ICE1: variants seen among roughly 807,000 people sequenced by gnomAD.
ICE1 encodes little elongation complex subunit 1.
A neutral mutation model predicts 192.7 loss-of-function variants in ICE1; 64 were observed. That is an observed-to-expected ratio of 0.33 (90% CI 0.27 to 0.41). The LOEUF (loss-of-function observed/expected upper bound fraction) is 0.41. Among genes scored for constraint, ICE1 ranks in the 10% least tolerant of loss-of-function variants. The pLI, the probability that ICE1 is intolerant of heterozygous loss-of-function variation, is 1.00. For synonymous variants in ICE1, 1,010 were observed against 984.5 expected, an observed-to-expected ratio of 1.03 and a Z score of -0.49; for missense variants, 2,708 against 2,696.0, an observed-to-expected ratio of 1.00 and a Z score of -0.10.
intron 17 of ICE1, among the ~76,000 whole-genome samples, chr5:5,477,298 A>T (rs2111400569): frequency 6.6e-6 from 1 of 152,336 alleles, no homozygotes; most frequent in South Asian, 2.1e-4. Flanking sequence ...AAAAATGATA[A>T]AGGGGTTATC....
chr5:5,436,362 A>G (rs1737872218), intron 1 of ICE1, 56 bp from the exon 2 acceptor site: 1 of 1,014,432 alleles, frequency 9.9e-7, no homozygotes, highest in Non-Finnish European at 1.4e-6. Flanking sequence ...GTTACAGACA[A>G]TAATTATATT....
chr5:5,475,094 G>A (rs1739271266), intron 16 of ICE1, among the ~76,000 whole-genome samples: 1 of 152,178 alleles, frequency 6.6e-6, no homozygotes, highest in Non-Finnish European at 1.5e-5. Context: ...ATCCTCATGG[G>A]AACCCATGAG....
At chr5:5,423,302 TC>T (rs1005054531) in intron 1 of ICE1, among the ~76,000 whole-genome samples, 3 of 152,006 alleles carry the variant, frequency 2.0e-5, no homozygotes, top group Non-Finnish European at 4.4e-5. Flanking sequence ...GCCTCGGAGC[TC>T]CCTAGGGCAG....
At chr5:5,454,185 TC>T (rs1738517935) in intron 10 of ICE1, among the ~76,000 whole-genome samples, 1 of 152,060 alleles carries the variant, frequency 6.6e-6, no homozygotes, top group African/African-American at 2.4e-5. Context: ...TGTGCTTCCT[TC>T]CCCCATCTCA....
intron 17 of ICE1, among the ~76,000 whole-genome samples, chr5:5,477,603 T>C (rs1054767034): frequency 1.3e-4 from 20 of 152,002 alleles, no homozygotes; most frequent in African/African-American, 4.8e-4. Flanking sequence ...TTCCAAACAG[T>C]AGAAAAAGAA....
At position 5,464,835 on chromosome 5, in the gene ICE1, AAAG is replaced by A. The variant is rs1738933458; in HGVS notation, c.5504_5506del (p.Arg1835del). On this transcript the variant is annotated inframe_deletion, in exon 13 of 19. Transcript: ENST00000296564. This position sits in a 1 kb window ranked among gnomAD's most constrained non-coding sequence, Gnocchi z 4.0. ...GGGACTCAGCAGGATTCAAGCGGGA[AAAG>A]AACACTGTCAACGTCTACACTGAGA... is the stretch of plus-strand genomic sequence containing the variant. The A allele has an allele frequency of 6.2e-7, 1 of 1,613,384 alleles. No homozygotes were observed. The highest frequency in any genetic ancestry group is 1.7e-5 in the Admixed American group (1 of 59,946).
At chr5:5,481,257 G>T (rs556209543) in intron 17 of ICE1, among the ~76,000 whole-genome samples, 1 of 151,974 alleles carries the variant, frequency 6.6e-6, no homozygotes, top group Non-Finnish European at 1.5e-5. Flanking sequence ...AAACAATATG[G>T]TATTTTTTTA....
intron 7 of ICE1, among the ~76,000 whole-genome samples, chr5:5,446,962 G>C (rs931705057): frequency 1.3e-5 from 2 of 152,190 alleles, no homozygotes; most frequent in Non-Finnish European, 2.9e-5. Context: ...ATTATGTTTA[G>C]CTAACTTGTT....
chr5:5,473,607 T>C lies in ICE1; in HGVS notation c.6272T>C (p.Ile2091Thr), dbSNP rs754402113. Reference sequence around the variant, plus strand: ...ATGGTTTCTAAGCTGCTTTTGACCATACAGTTATGTCCAAAAACAGAATTT... The same window carrying C: ...ATGGTTTCTAAGCTGCTTTTGACCACACAGTTATGTCCAAAAACAGAATTT... ...GFMVSKLLLT[I>T]QLCPKTEFQP... The change falls in exon 16 of 19, where the codon ATA (isoleucine) becomes ACA (threonine). Residue 2091 changes from isoleucine to threonine, a missense_variant. Coordinates refer to ENST00000296564, the MANE Select transcript of ICE1 (RefSeq NM_015325.3). 6.2e-7 allele frequency: 1 copy of C among 1,613,664 alleles called. No homozygotes were observed. Among genetic ancestry groups the C allele is most frequent in the Non-Finnish European group, 8.5e-7 (1 of 1,179,826 alleles).
At position 5,437,128 on chromosome 5, in the gene ICE1, G is replaced by A. The variant is rs1490899513; in HGVS notation, c.178+14G>A. 3 of 1,531,104 alleles carry A rather than the reference G, an allele frequency of 2.0e-6. 1 individual carries two copies. The Admixed American group carries it at 5.7e-5, about 29-fold the overall frequency. The allele number at this position is 1,531,104 out of a possible 1,614,324, so 94.8% of individuals were successfully genotyped here. On this transcript the variant is annotated intron_variant, in intron 3 of 18. Coordinates refer to ENST00000296564, the MANE Select transcript of ICE1 (RefSeq NM_015325.3). ...AGAAATGTGATGATATCCTTTTACT[G>A]GCTTTTTCTGTTGAGTTTTGGAACT...
intron 1 of ICE1, among the ~76,000 whole-genome samples, chr5:5,427,933 G>A (rs1269780029): frequency 6.6e-6 from 1 of 152,164 alleles, no homozygotes; most frequent in Admixed American, 6.5e-5. Context: ...AGGAGGGACA[G>A]TTATATAGGA....
intron 14 of ICE1, among the ~76,000 whole-genome samples, chr5:5,467,740 G>A (rs1470562790): frequency 6.6e-6 from 1 of 152,166 alleles, no homozygotes; most frequent in African/African-American, 2.4e-5. Context: ...TATGCTTTGA[G>A]CTATCTATTC....
At chr5:5,470,846 A>T (rs1370885691) in intron 15 of ICE1, among the ~76,000 whole-genome samples, 1 of 152,220 alleles carries the variant, frequency 6.6e-6, no homozygotes, top group Non-Finnish European at 1.5e-5. Context: ...AAAATATGCA[A>T]AGTAAAATCA....
At chr5:5,437,160 T>C (rs762187765) in intron 3 of ICE1, 46 bp downstream of exon 3, 6 of 1,392,226 alleles carry the variant, frequency 4.3e-6, no homozygotes, top group Non-Finnish European at 5.0e-6. Flanking sequence ...AACTAACTTA[T>C]GTTTAATTCC....
intron 3 of ICE1, 149 bp downstream of exon 3, chr5:5,437,263 C>T (rs952547208): frequency 8.7e-6 from 5 of 577,436 alleles, no homozygotes; most frequent in Non-Finnish European, 1.2e-5. Context: ...GCACAGTAAA[C>T]AGACAGTCCT....
At chr5:5,445,961 C>T (rs908249213) in intron 7 of ICE1, among the ~76,000 whole-genome samples, 1 of 151,626 alleles carries the variant, frequency 6.6e-6, no homozygotes, top group Non-Finnish European at 1.5e-5. Flanking sequence ...TCAGGTGATC[C>T]GCCTGCCTCA....
intron 10 of ICE1, among the ~76,000 whole-genome samples, chr5:5,451,383 T>TAA (rs757780487): frequency 1.1e-4 from 17 of 152,106 alleles, no homozygotes; most frequent in Non-Finnish European, 2.1e-4. Flanking sequence ...AATGCAAACT[T>TAA]AATGAAATAG....
intron 18 of ICE1, 136 bp from the exon 19 acceptor site, chr5:5,489,012 TG>T: frequency 1.3e-6 from 1 of 743,498 alleles, no homozygotes; most frequent in Non-Finnish European, 2.1e-6. Flanking sequence ...TTTTTTACTG[TG>T]GGTTTTTTTA....
chr5:5,436,389 AAAG>A, intron 1 of ICE1, 26 bp from the exon 2 acceptor site: 2 of 1,386,678 alleles, frequency 1.4e-6, no homozygotes, highest in Non-Finnish European at 1.9e-6. Context: ...AATTGATAAA[AAAG>A]CTGACTGTGG....
Sources: allele counts gnomAD v4.1 joint callset (sites outside exome capture counted in the v4.1 genomes callset), GRCh38; gene constraint gnomAD v4.1.1; non-coding constraint Gnocchi (gnomAD v3.1); transcripts MANE v1.5; gene names NCBI Gene and HGNC (gene_info 2026-07-23, HGNC 2026-07-21).